XKR6: variants seen among roughly 807,000 people sequenced by gnomAD.
XKR6 encodes the protein XK related 6.
Under a neutral mutation model 56.7 loss-of-function variants are expected in XKR6, and 22 were observed. The observed-to-expected ratio is 0.39, with a 90% CI of 0.28 to 0.55. XKR6 has a LOEUF of 0.55. Among genes scored for constraint, XKR6 ranks in the 20% least tolerant of loss-of-function variants. The pLI, the probability that XKR6 is intolerant of heterozygous loss-of-function variation, is 0.66. For missense variants in XKR6, 852 were observed against 889.0 expected (o/e 0.96, Z 0.53); for synonymous variants, 524 against 387.8 (o/e 1.35, Z -4.13).
chr8:11,168,342 T>A (rs1802191331), intron 1 of XKR6, among the ~76,000 whole-genome samples: 1 of 152,174 alleles, frequency 6.6e-6, no homozygotes, highest in South Asian at 2.1e-4. Context: ...ATAAATTCAA[T>A]CGGAGATATA....
intron 1 of XKR6, among the ~76,000 whole-genome samples, chr8:11,190,002 C>T (rs1011719236): frequency 6.6e-6 from 1 of 151,994 alleles, no homozygotes; most frequent in Admixed American, 6.5e-5. Context: ...ACTAAAAGTA[C>T]AAAAATTAGA....
chr8:11,040,949 T>G (rs17722940), intron 1 of XKR6, among the ~76,000 whole-genome samples: 40,149 of 151,976 alleles, frequency 0.26, 5,669 homozygotes, highest in African/African-American at 0.32. Flanking sequence ...GGTATCTACG[T>G]ACATCGGGCA....
At chr8:11,084,009 G>C (rs189111424) in intron 1 of XKR6, among the ~76,000 whole-genome samples, 2 of 152,248 alleles carry the variant, frequency 1.3e-5, no homozygotes, top group South Asian at 4.2e-4. Context: ...GGAGAAAAAG[G>C]GATCCTAAAT....
At chr8:11,178,092 C>T (rs1239003854) in intron 1 of XKR6, among the ~76,000 whole-genome samples, 1 of 152,082 alleles carries the variant, frequency 6.6e-6, no homozygotes, top group East Asian at 1.9e-4. Context: ...GGAGCCGGGC[C>T]TTCCAAACTC....
At chr8:11,096,910 T>C (rs1022251524) in intron 1 of XKR6, among the ~76,000 whole-genome samples, 5 of 152,178 alleles carry the variant, frequency 3.3e-5, no homozygotes, top group Admixed American at 3.3e-4. Flanking sequence ...ATGAAGACAT[T>C]TGGTTTCAGG....
Position 10,973,335 on chromosome 8 carries a change from G to T in XKR6, c.765-48505C>A, listed in dbSNP as rs558835766. On this transcript the variant is annotated intron_variant, in intron 1 of 2. Coordinates refer to ENST00000416569, the MANE Select transcript of XKR6 (RefSeq NM_173683.4). ...AAAATGCCCACTGCCCTGAAAACCT[G>T]CAAGGGGTTCCCCTAAATGGGTTCC... Among the ~76,000 whole-genome samples the T allele has an allele frequency of 4.1e-4, 62 of 152,250 alleles. 1 individual carries two copies. Among genetic ancestry groups the T allele is most frequent in the African/African-American group, 1.4e-3 (59 of 41,530 alleles).
intron 1 of XKR6, among the ~76,000 whole-genome samples, chr8:11,116,729 C>A (rs138756051): frequency 1.3e-5 from 2 of 152,124 alleles, no homozygotes; most frequent in Admixed American, 1.3e-4. Flanking sequence ...ATTCGCCTCC[C>A]GAACTCAGAT....
chr8:11,198,183 G>C (rs1485014672), intron 1 of XKR6, among the ~76,000 whole-genome samples: 1 of 152,106 alleles, frequency 6.6e-6, no homozygotes, highest in Non-Finnish European at 1.5e-5. Flanking sequence ...ATTAAAACAA[G>C]AATTCCTCTA....
intron 1 of XKR6, among the ~76,000 whole-genome samples, chr8:11,050,621 G>T (rs1586478473): frequency 6.7e-6 from 1 of 149,400 alleles, no homozygotes; most frequent in South Asian, 2.1e-4. Context: ...TCCCAGAAAA[G>T]CTATGAAGAA....
At chr8:11,050,190 C>G (rs1799509602) in intron 1 of XKR6, among the ~76,000 whole-genome samples, 1 of 152,158 alleles carries the variant, frequency 6.6e-6, no homozygotes, top group African/African-American at 2.4e-5. Flanking sequence ...GTGAAGCTGG[C>G]TGAGTAACAG....
intron 1 of XKR6, among the ~76,000 whole-genome samples, chr8:10,926,175 C>G: frequency 6.6e-6 from 1 of 152,326 alleles, no homozygotes; most frequent in East Asian, 1.9e-4. Context: ...CAAGAACACA[C>G]TCAGGGCTGC....
At chr8:11,144,029 T>C (rs768312377) in intron 1 of XKR6, among the ~76,000 whole-genome samples, 6 of 151,948 alleles carry the variant, frequency 3.9e-5, no homozygotes, top group Admixed American at 6.6e-5. Flanking sequence ...TTTTAAGAAG[T>C]TGCCAGCCAG....
chr8:11,029,309 C>A (rs1798939268), intron 1 of XKR6, among the ~76,000 whole-genome samples: 1 of 152,146 alleles, frequency 6.6e-6, no homozygotes, highest in African/African-American at 2.4e-5. Context: ...TTAGGAGACC[C>A]TTACAGACCC....
intron 1 of XKR6, among the ~76,000 whole-genome samples, chr8:11,057,496 T>A (rs1586487066): frequency 1.3e-5 from 2 of 152,226 alleles, no homozygotes; most frequent in East Asian, 3.8e-4. Context: ...GTCAAGTGCA[T>A]CGTCGTGGCT....
Position 10,898,897 on chromosome 8 carries a change from G to C in XKR6, c.981C>G (p.Ser327=), listed in dbSNP as rs1458445421. Residue 327 remains serine, a synonymous_variant, in exon 3 of 3, where the codon TCC becomes TCG. Coordinates refer to ENST00000416569, the MANE Select transcript of XKR6 (RefSeq NM_173683.4). This position sits in a 1 kb window ranked among gnomAD's most constrained non-coding sequence, Gnocchi z 6.6. ...ETLPCVSSVT[S]LMSLAWVLAS... ...CTAGCACCCAAGCCAGGGACATCAG[G>C]GAAGTCACAGAGGAGACACCTGCCG... 1 of 1,609,294 alleles carries C rather than the reference G, an allele frequency of 6.2e-7. No individual in the cohort carries two copies.
intron 1 of XKR6, chr8:11,137,735 G>C (rs1348901062): frequency 1.1e-5 from 5 of 456,124 alleles, no homozygotes; most frequent in South Asian, 4.6e-5. Flanking sequence ...AAGAAAACCA[G>C]TTGGCTCTGA....
intron 1 of XKR6, among the ~76,000 whole-genome samples, chr8:11,146,108 G>C (rs780869923): frequency 6.6e-6 from 1 of 152,140 alleles, no homozygotes; most frequent in Non-Finnish European, 1.5e-5. Flanking sequence ...TCAACAAATA[G>C]TAATAGAACA....
intron 1 of XKR6, among the ~76,000 whole-genome samples, chr8:11,019,217 C>T (rs556703553): frequency 6.6e-6 from 1 of 152,326 alleles, no homozygotes; most frequent in Non-Finnish European, 1.5e-5. Flanking sequence ...AGCATGGGGC[C>T]AAAAGCCAAT....
chr8:11,049,034 T>C (rs1329559349), intron 1 of XKR6, among the ~76,000 whole-genome samples: 1 of 152,218 alleles, frequency 6.6e-6, no homozygotes, highest in Non-Finnish European at 1.5e-5. Context: ...CCCGTGACTA[T>C]GCCCTAGGTG....
Sources: gnomAD v4.1 joint callset for allele counts (sites outside exome capture counted in the v4.1 genomes callset) on GRCh38, gnomAD v4.1.1 for gene constraint, Gnocchi (gnomAD v3.1) non-coding constraint, MANE v1.5 for transcripts, NCBI Gene and HGNC (gene_info 2026-07-23, HGNC 2026-07-21) for gene names.